Variants in PLEKHG1 observed in about 807,000 individuals in gnomAD.
PLEKHG1 encodes the protein pleckstrin homology domain-containing family G member 1.
A neutral mutation model predicts 100.8 loss-of-function variants in PLEKHG1; 44 were observed. The ratio of observed to expected loss-of-function variants is 0.44; its 90% CI spans 0.34 to 0.56. The LOEUF (loss-of-function observed/expected upper bound fraction) is 0.56, where lower values mean the gene tolerates loss of function less well. Ranked by LOEUF, PLEKHG1 falls within the 20% of genes least tolerant of loss-of-function variation. PLEKHG1 has a pLI of 0.01. For missense variants in PLEKHG1, 1,545 were observed against 1,720.9 expected, an observed-to-expected ratio of 0.90 and a Z score of 1.81; for synonymous variants, 640 against 662.5, an observed-to-expected ratio of 0.97 and a Z score of 0.52.
chr6:150,790,281 C>A (rs576482308), intron 4 of PLEKHG1, among the ~76,000 whole-genome samples: 1 of 152,334 alleles, frequency 6.6e-6, no homozygotes, highest in South Asian at 2.1e-4. Context: ...CCTGCCTTGG[C>A]CTCCCAAAGT....
At chr6:150,686,554 T>C (rs935488480) in intron 3 of PLEKHG1, among the ~76,000 whole-genome samples, 1 of 152,256 alleles carries the variant, frequency 6.6e-6, no homozygotes, top group African/African-American at 2.4e-5. Context: ...GAATGATCAC[T>C]CATATAAAGG....
At position 150,659,345 on chromosome 6, in the gene PLEKHG1, G is replaced by A. The variant is rs114726617; in HGVS notation, c.-99+8559G>A. 3.7e-3 allele frequency among the ~76,000 whole-genome samples: 569 copies of A among 152,216 alleles called. 1 individual carries two copies. Among genetic ancestry groups the A allele is most frequent in the African/African-American group, 0.013 (538 of 41,508 alleles). Reference sequence around the variant, plus strand: ...CTAAAAAGTATTTTGGGTACAACCAGAACTCTCTCTGCTCCTTGGATTGGA... The same window carrying A: ...CTAAAAAGTATTTTGGGTACAACCAAAACTCTCTCTGCTCCTTGGATTGGA... On this transcript the variant is annotated intron_variant, in intron 3 of 3. Coordinates refer to the PLEKHG1 transcript ENST00000367326.
At chr6:150,843,244 A>G (rs567470015) in exon 16 of PLEKHG1, 2 of 152,346 alleles carry the variant, frequency 1.3e-5, no homozygotes, top group South Asian at 2.1e-4. Context: ...CACTGCACGT[A>G]AGTGGGTATC....
chr6:150,770,938 A>G (rs1035248470), intron 3 of PLEKHG1, among the ~76,000 whole-genome samples: 1 of 152,298 alleles, frequency 6.6e-6, no homozygotes, highest in Middle Eastern at 3.4e-3. Flanking sequence ...AGAGCTTTAG[A>G]TACATTTTCA....
chr6:150,795,758 A>AT, intron 4 of PLEKHG1, 98 bp from the exon 6 acceptor site: 1 of 615,952 alleles, frequency 1.6e-6, no homozygotes, highest in Non-Finnish European at 2.9e-6. Context: ...TATATATATA[A>AT]ATGTCAAGGC....
intron 3 of PLEKHG1, among the ~76,000 whole-genome samples, chr6:150,670,090 A>G (rs922090250): frequency 6.6e-6 from 1 of 152,176 alleles, no homozygotes; most frequent in African/African-American, 2.4e-5. Flanking sequence ...CCTCAATGAG[A>G]TAATTGTTTA....
chr6:150,714,684 T>C (rs1254853849), intron 3 of PLEKHG1, among the ~76,000 whole-genome samples: 1 of 152,226 alleles, frequency 6.6e-6, no homozygotes, highest in Non-Finnish European at 1.5e-5. Context: ...GGTAACTATT[T>C]AGTATTTCTA....
intron 1 of PLEKHG1, among the ~76,000 whole-genome samples, chr6:150,602,068 G>A (rs1345977083): frequency 1.3e-5 from 2 of 152,194 alleles, no homozygotes; most frequent in Non-Finnish European, 2.9e-5. Flanking sequence ...TTCCCCCTTT[G>A]CGGATATGAT....
intron 4 of PLEKHG1, among the ~76,000 whole-genome samples, chr6:150,791,212 T>C (rs1785960518): frequency 6.6e-6 from 1 of 152,096 alleles, no homozygotes; most frequent in South Asian, 2.1e-4. Context: ...CAATCTATGT[T>C]TTAACAGTCC....
At position 150,677,302 on chromosome 6, in the gene PLEKHG1, A is replaced by G. The variant is rs202181817; in HGVS notation, c.-99+26516A>G. On this transcript the variant is annotated intron_variant, in intron 3 of 3. Transcript: ENST00000367326. The stretch of plus-strand genomic sequence containing the variant: ...TTCCCCTATACACACACACACACAC[A>G]CGCGCGCGCGCACACACACCACCAG... Among the ~76,000 whole-genome samples the G allele has an allele frequency of 4.1e-3, 592 of 144,396 alleles. 6 individuals carry two copies. The highest frequency in any genetic ancestry group is 0.021 in the East Asian group (102 of 4,900). 94.7% of individuals were successfully genotyped at this position (144,396 alleles called of 152,430 possible).
intron 1 of PLEKHG1, among the ~76,000 whole-genome samples, chr6:150,601,689 CA>C (rs1336838638): frequency 1.3e-5 from 2 of 152,194 alleles, no homozygotes; most frequent in Admixed American, 1.3e-4. Context: ...TCATCAGTAG[CA>C]GTCCACAGTC....
intron 3 of PLEKHG1, among the ~76,000 whole-genome samples, chr6:150,783,160 A>G (rs9478819): frequency 0.037 from 5,176 of 139,090 alleles, 344 homozygotes; most frequent in African/African-American, 0.15. Context: ...AGAAATGGGG[A>G]AAAAAAACTA....
At chr6:150,727,739 T>C (rs1413440902) in intron 1 of PLEKHG1, among the ~76,000 whole-genome samples, 1 of 152,222 alleles carries the variant, frequency 6.6e-6, no homozygotes, top group Non-Finnish European at 1.5e-5. Context: ...AAAGGTGAGA[T>C]TGATCACAAT....
chr6:150,835,986 C>T (rs1382532004), intron 15 of PLEKHG1, among the ~76,000 whole-genome samples: 1 of 152,204 alleles, frequency 6.6e-6, no homozygotes, highest in African/African-American at 2.4e-5. Context: ...TGTCTTCTTG[C>T]TTCTGCTTTT....
intron 3 of PLEKHG1, among the ~76,000 whole-genome samples, chr6:150,713,429 A>G (rs1339638257): frequency 6.6e-6 from 1 of 152,174 alleles, no homozygotes; most frequent in Non-Finnish European, 1.5e-5. Context: ...CCAAGTGAAT[A>G]TCAGTGCAAA....
At chr6:150,738,838 T>G (rs551880882) in intron 2 of PLEKHG1, among the ~76,000 whole-genome samples, 1 of 152,342 alleles carries the variant, frequency 6.6e-6, no homozygotes, top group African/African-American at 2.4e-5. Context: ...TATTTCTATT[T>G]TATATATGCC....
chr6:150,627,942 C>T (rs1032052283), intron 1 of PLEKHG1, among the ~76,000 whole-genome samples: 1 of 152,056 alleles, frequency 6.6e-6, no homozygotes, highest in African/African-American at 2.4e-5. Context: ...ATATGCAGGG[C>T]GTTTTATGGG....
At chr6:150,826,291 C>T (rs1026166579) in intron 14 of PLEKHG1, among the ~76,000 whole-genome samples, 13 of 152,106 alleles carry the variant, frequency 8.5e-5, no homozygotes, top group African/African-American at 3.1e-4. Flanking sequence ...AACCCCGTCT[C>T]TACTAAAATA....
At chr6:150,707,647 C>T (rs1781078619) in intron 3 of PLEKHG1, among the ~76,000 whole-genome samples, 1 of 152,052 alleles carries the variant, frequency 6.6e-6, no homozygotes, top group Non-Finnish European at 1.5e-5. Flanking sequence ...GGCACCCCAA[C>T]CCCAAGCCCC....
Sources: allele counts gnomAD v4.1 joint callset (sites outside exome capture counted in the v4.1 genomes callset), GRCh38; gene constraint gnomAD v4.1.1; transcripts MANE v1.5; gene names NCBI Gene and HGNC (gene_info 2026-07-23, HGNC 2026-07-21).